FREM1: variants seen among roughly 807,000 people sequenced by gnomAD.
The protein encoded by FREM1 is FRAS1 related extracellular matrix 1, also known as FRAS1-related extracellular matrix protein 1.
Under a neutral mutation model 210.1 loss-of-function variants are expected in FREM1, and 220 were observed. That is an observed-to-expected ratio of 1.05 (90% CI 0.94 to 1.17). The LOEUF (loss-of-function observed/expected upper bound fraction) is 1.17. Among genes scored for constraint, FREM1 ranks in the 50% most tolerant of loss-of-function variants. The probability of loss-of-function intolerance (pLI) is 0.00; values close to 1 mark genes in which losing one functional copy is unlikely to be tolerated. For synonymous variants in FREM1, 1,189 were observed against 980.2 expected, an observed-to-expected ratio of 1.21 and a Z score of -3.98; for missense variants, 3,454 against 2,675.5, an observed-to-expected ratio of 1.29 and a Z score of -6.42.
At chr9:14,805,245 A>G in intron 18 of FREM1, 93 bp from the exon 19 acceptor site, 1 of 654,564 alleles carries the variant, frequency 1.5e-6, no homozygotes, top group Admixed American at 2.7e-5. Flanking sequence ...TCAATTTCTC[A>G]GTAATACAAA....
intron 27 of FREM1, among the ~76,000 whole-genome samples, chr9:14,764,061 A>G (rs1202782440): frequency 6.6e-6 from 1 of 152,132 alleles, no homozygotes. Flanking sequence ...CTGGTGGGAG[A>G]TAACTGAATC....
At chr9:14,761,581 G>T (rs1845506241) in intron 27 of FREM1, among the ~76,000 whole-genome samples, 2 of 152,258 alleles carry the variant, frequency 1.3e-5, no homozygotes, top group Admixed American at 6.5e-5. Flanking sequence ...CTTTCTGAAG[G>T]TTTCAGTTAC....
intron 5 of FREM1, among the ~76,000 whole-genome samples, chr9:14,855,940 G>A (rs1422109688): frequency 1.3e-5 from 2 of 151,866 alleles, no homozygotes; most frequent in Non-Finnish European, 2.9e-5. Context: ...AAAACAAACA[G>A]AAAACATCTA....
chr9:14,754,741 G>A (rs2132139383), intron 29 of FREM1, among the ~76,000 whole-genome samples: 1 of 152,180 alleles, frequency 6.6e-6, no homozygotes, highest in East Asian at 1.9e-4. Flanking sequence ...AGACCAGTCT[G>A]GCCAATAAGG....
At chr9:14,780,709 G>GA (rs1257936081) in intron 24 of FREM1, among the ~76,000 whole-genome samples, 10 of 152,122 alleles carry the variant, frequency 6.6e-5, no homozygotes, top group African/African-American at 2.4e-4. Flanking sequence ...ATGGAAGGGG[G>GA]AAAATCCTCT....
At chr9:14,865,468 C>A (rs1375648643) in intron 2 of FREM1, among the ~76,000 whole-genome samples, 2 of 152,176 alleles carry the variant, frequency 1.3e-5, no homozygotes, top group Non-Finnish European at 2.9e-5. Flanking sequence ...CCTGTTGATC[C>A]TAAGACAAAC....
At chr9:14,814,580 T>A (rs1241109796) in intron 15 of FREM1, among the ~76,000 whole-genome samples, 3 of 152,186 alleles carry the variant, frequency 2.0e-5, no homozygotes, top group African/African-American at 7.2e-5. Flanking sequence ...ATTCTCTACT[T>A]TTCTATTGGC....
chr9:14,792,335 G>C (rs565315753), intron 22 of FREM1, among the ~76,000 whole-genome samples: 84 of 149,556 alleles, frequency 5.6e-4, no homozygotes, highest in African/African-American at 2.0e-3. Context: ...GAACAAGAAA[G>C]ACTGTAGACT....
At chr9:14,795,825 C>A (rs1439285667) in intron 21 of FREM1, among the ~76,000 whole-genome samples, 1 of 152,084 alleles carries the variant, frequency 6.6e-6, no homozygotes, top group Non-Finnish European at 1.5e-5. Context: ...TACTGTCTGT[C>A]CTATAGTAAG....
chr9:14,829,916 G>C (rs1036714648), intron 10 of FREM1, among the ~76,000 whole-genome samples: 1 of 152,152 alleles, frequency 6.6e-6, no homozygotes, highest in African/African-American at 2.4e-5. Context: ...GGATAGATGA[G>C]AGATGCAGAG....
chr9:14,815,544 G>T lies in FREM1; in HGVS notation c.2640+1234C>A, dbSNP rs577741306. Among the ~76,000 whole-genome samples the T allele has an allele frequency of 2.6e-5, 4 of 152,120 alleles. No homozygotes were observed. The East Asian group carries it at 7.7e-4, about 29-fold the overall frequency. ...TATATTTTTCTTCAGACCTTCTTTT[G>T]TTACCAACTATAAATACCTGCAAAT... On this transcript the variant is annotated intron_variant, in intron 15 of 36. Coordinates refer to ENST00000380880, the MANE Select transcript of FREM1 (RefSeq NM_001379081.2).
At chr9:14,809,001 C>G (rs1372572795) in intron 16 of FREM1, among the ~76,000 whole-genome samples, 1 of 152,204 alleles carries the variant, frequency 6.6e-6, no homozygotes, top group Admixed American at 6.5e-5. Flanking sequence ...TTCCCCCGCT[C>G]AAATCTCATC....
In FREM1 at chr9:14,748,615, G is replaced by A; in HGVS notation, c.5582C>T (p.Ser1861Phe). 1 of 1,613,352 alleles carries A rather than the reference G, an allele frequency of 6.2e-7. No individual in the cohort carries two copies. The highest frequency in any genetic ancestry group is 1.3e-5 in the African/African-American group (1 of 75,012). ...KGGQCHPSYS[S>F]NQSKHSTWEK... ...CCATGTGCTGTGCTTGCTTTGGTTGGAGGAATATGAAGGATGGCATTGTCC... is the reference window on the plus strand; with the variant it reads ...CCATGTGCTGTGCTTGCTTTGGTTGAAGGAATATGAAGGATGGCATTGTCC... Residue 1861 changes from serine to phenylalanine, a missense_variant, in exon 31 of 37, where the codon TCC becomes TTC. Physicochemically the swap from Ser to Phe is radical, Grantham distance 155. Transcript: ENST00000380880.
chr9:14,890,853 T>C (rs1374573216), intron 1 of FREM1, among the ~76,000 whole-genome samples: 2 of 152,198 alleles, frequency 1.3e-5, no homozygotes, highest in South Asian at 2.1e-4. Flanking sequence ...CAAAGCCTCT[T>C]AAACCATCAA....
At chr9:14,791,719 C>G (rs913066168) in intron 22 of FREM1, among the ~76,000 whole-genome samples, 2 of 152,156 alleles carry the variant, frequency 1.3e-5, no homozygotes, top group Non-Finnish European at 2.9e-5. Flanking sequence ...ATAAGGATGG[C>G]CCCTGCTCAG....
chr9:14,844,025 G>T lies in FREM1; in HGVS notation c.1394-1365C>A, dbSNP rs181682413. Among the ~76,000 whole-genome samples, 451 of 152,270 alleles carry T rather than the reference G, an allele frequency of 3.0e-3. 2 individuals carry two copies. Among genetic ancestry groups the T allele is most frequent in the Non-Finnish European group, 5.1e-3 (344 of 68,026 alleles). ...TAATAATAGTATCTAATATCATAAAGTTGATATGAGATAACAAGTTAAAGT... is the reference window on the plus strand; with the variant it reads ...TAATAATAGTATCTAATATCATAAATTTGATATGAGATAACAAGTTAAAGT... On this transcript the variant is annotated intron_variant, in intron 8 of 36. Coordinates refer to ENST00000380880, the MANE Select transcript of FREM1 (RefSeq NM_001379081.2).
At chr9:14,832,823 A>C (rs1434462273) in intron 10 of FREM1, among the ~76,000 whole-genome samples, 1 of 152,182 alleles carries the variant, frequency 6.6e-6, no homozygotes, top group Non-Finnish European at 1.5e-5. Context: ...TAATTAATAA[A>C]AAAAGGATTT....
intron 20 of FREM1, among the ~76,000 whole-genome samples, chr9:14,798,480 A>C (rs1224683918): frequency 6.6e-6 from 1 of 151,916 alleles, no homozygotes; most frequent in Non-Finnish European, 1.5e-5. Flanking sequence ...TAGCCAGGTG[A>C]CGCCTGTAGT....
At chr9:14,788,159 T>C (rs1223556484) in intron 23 of FREM1, among the ~76,000 whole-genome samples, 4 of 152,200 alleles carry the variant, frequency 2.6e-5, no homozygotes, top group African/African-American at 7.2e-5. Flanking sequence ...TTATGCTTCA[T>C]CCTGGGAATA....
Sources: gnomAD v4.1 joint callset for allele counts (sites outside exome capture counted in the v4.1 genomes callset) on GRCh38, gnomAD v4.1.1 for gene constraint, MANE v1.5 for transcripts, NCBI Gene and HGNC (gene_info 2026-07-23, HGNC 2026-07-21) for gene names.